The following PTPRM variants were observed in gnomAD, a reference collection of about 807,000 sequenced individuals.
The protein encoded by PTPRM is receptor-type tyrosine-protein phosphatase mu.
A neutral mutation model predicts 186.7 loss-of-function variants in PTPRM; 47 were observed. That is an observed-to-expected ratio of 0.25 (90% CI 0.20 to 0.32). PTPRM has a LOEUF of 0.32. Among genes scored for constraint, PTPRM ranks in the 10% least tolerant of loss-of-function variants. The pLI is 1.00. For missense variants in PTPRM, 1,494 were observed against 1,865.0 expected, an observed-to-expected ratio of 0.80 and a Z score of 3.66; for synonymous variants, 668 against 674.9, an observed-to-expected ratio of 0.99 and a Z score of 0.16.
intron 1 of PTPRM, among the ~76,000 whole-genome samples, chr18:7,671,626 T>A (rs2039218555): frequency 6.6e-6 from 1 of 152,208 alleles, no homozygotes; most frequent in African/African-American, 2.4e-5. Flanking sequence ...GGATGTATAA[T>A]GATTATCATT....
At chr18:7,605,186 A>T (rs567913975) in intron 1 of PTPRM, among the ~76,000 whole-genome samples, 137 of 152,204 alleles carry the variant, frequency 9.0e-4, no homozygotes, top group African/African-American at 3.1e-3. Flanking sequence ...GAGCTTAAAA[A>T]AATCACCAAA....
intron 22 of PTPRM, among the ~76,000 whole-genome samples, chr18:8,319,785 C>T (rs1168835374): frequency 6.6e-6 from 1 of 152,056 alleles, no homozygotes; most frequent in Admixed American, 6.5e-5. Flanking sequence ...TGGGAAGAGC[C>T]CTTGTGAATG....
At chr18:8,323,170 A>C (rs1283069943) in intron 22 of PTPRM, among the ~76,000 whole-genome samples, 1 of 152,146 alleles carries the variant, frequency 6.6e-6, no homozygotes, top group East Asian at 1.9e-4. Context: ...AGAGTCAGAT[A>C]ACTCAGGGAA....
intron 2 of PTPRM, among the ~76,000 whole-genome samples, chr18:7,785,943 A>C (rs964472091): frequency 8.5e-5 from 13 of 152,218 alleles, no homozygotes; most frequent in Admixed American, 3.9e-4. Context: ...ACTTTGTTGG[A>C]AAATGCATAA....
intron 19 of PTPRM, among the ~76,000 whole-genome samples, chr18:8,270,666 A>T (rs1365532357): frequency 1.3e-5 from 2 of 152,150 alleles, no homozygotes; most frequent in African/African-American, 4.8e-5. Context: ...ATGGAATATT[A>T]TTCAGCCACA....
In PTPRM at chr18:7,905,002, T is replaced by A. The variant is rs1013691500; in HGVS notation, c.469-1503T>A. On this transcript the variant is annotated intron_variant, in intron 3 of 32. Coordinates refer to ENST00000580170, the MANE Select transcript of PTPRM (RefSeq NM_001105244.2). Reference sequence around the variant, plus strand: ...TTCTTTCCTTTTTTTTATTTTTTTTTATTTTGTTGAGACTGAGTTTTGCTC... The same window carrying A: ...TTCTTTCCTTTTTTTTATTTTTTTTAATTTTGTTGAGACTGAGTTTTGCTC... 3.3e-5 allele frequency among the ~76,000 whole-genome samples: 5 copies of A among 152,272 alleles called. No individual in the cohort carries two copies. In the South Asian group the frequency reaches 8.3e-4, roughly 25 times the overall value.
chr18:8,287,838 A>G (rs1404529957), intron 19 of PTPRM, among the ~76,000 whole-genome samples: 4 of 152,340 alleles, frequency 2.6e-5, no homozygotes, highest in African/African-American at 9.6e-5. Flanking sequence ...CATGACTTAT[A>G]GAAACACAGA....
chr18:8,029,157 T>C (rs1300323324), intron 7 of PTPRM, among the ~76,000 whole-genome samples: 1 of 152,174 alleles, frequency 6.6e-6, no homozygotes, highest in Admixed American at 6.5e-5. Flanking sequence ...CCTGCCTGCC[T>C]GGAGTTCCCT....
chr18:7,888,075 G>A (rs777346401), intron 2 of PTPRM, 31 bp from the exon 3 acceptor site: 1 of 1,613,932 alleles, frequency 6.2e-7, no homozygotes, highest in South Asian at 1.1e-5. Flanking sequence ...AGTGTTTCAG[G>A]GTATGACTCT....
In PTPRM at chr18:8,343,410, T is replaced by C. The variant is rs1291435185; in HGVS notation, c.2957-13T>C. ...CAACAAAAACAAAAAGTTTCTGTTG[T>C]GTTTTGCTGCAGGGCCAATGCAGGA... is the stretch of plus-strand genomic sequence containing the variant. On this transcript the variant is annotated splice_polypyrimidine_tract_variant and intron_variant, in intron 22 of 32. Transcript: ENST00000580170. The C allele has an allele frequency of 1.2e-6, 2 of 1,607,512 alleles. 1 individual carries two copies. Among genetic ancestry groups the C allele is most frequent in the African/African-American group, 2.7e-5 (2 of 74,510 alleles).
At chr18:7,883,675 A>T (rs1462134789) in intron 2 of PTPRM, among the ~76,000 whole-genome samples, 1 of 152,240 alleles carries the variant, frequency 6.6e-6, no homozygotes, top group East Asian at 1.9e-4. Flanking sequence ...TGAAATAAAG[A>T]TACCCTTTCC....
At chr18:7,701,443 A>T (rs1410035459) in intron 1 of PTPRM, among the ~76,000 whole-genome samples, 2 of 147,414 alleles carry the variant, frequency 1.4e-5, no homozygotes, top group Non-Finnish European at 3.0e-5. Flanking sequence ...TACTAAAAAT[A>T]AAAAAAAGTA....
chr18:7,660,928 G>A (rs970895660), intron 1 of PTPRM, among the ~76,000 whole-genome samples: 2 of 151,830 alleles, frequency 1.3e-5, no homozygotes, highest in South Asian at 2.1e-4. Context: ...ACGAGATCAC[G>A]CCATTGCACT....
At chr18:8,142,025 A>G (rs1221155479) in intron 13 of PTPRM, among the ~76,000 whole-genome samples, 1 of 152,212 alleles carries the variant, frequency 6.6e-6, no homozygotes, top group Non-Finnish European at 1.5e-5. Flanking sequence ...CCACCTGGTG[A>G]TATGTTCCAA....
chr18:8,281,279 C>T (rs1404423833), intron 19 of PTPRM, among the ~76,000 whole-genome samples: 1 of 152,204 alleles, frequency 6.6e-6, no homozygotes, highest in African/African-American at 2.4e-5. Context: ...TCGCTACATC[C>T]TTGGGTTCTT....
At chr18:8,046,504 G>T (rs2087067533) in intron 7 of PTPRM, among the ~76,000 whole-genome samples, 1 of 152,118 alleles carries the variant, frequency 6.6e-6, no homozygotes, top group Admixed American at 6.5e-5. Context: ...TGTCAGCACT[G>T]TTGCGTTGAT....
chr18:7,941,329 C>G, intron 5 of PTPRM, among the ~76,000 whole-genome samples: 1 of 152,208 alleles, frequency 6.6e-6, no homozygotes, highest in East Asian at 1.9e-4. Context: ...GGGACCATCT[C>G]TCCAGATACT....
chr18:8,313,944 A>G (rs2095288604), intron 20 of PTPRM, among the ~76,000 whole-genome samples: 1 of 152,124 alleles, frequency 6.6e-6, no homozygotes, highest in Admixed American at 6.5e-5. Flanking sequence ...TGAAGCCAGG[A>G]ATTTGAAACC....
intron 11 of PTPRM, among the ~76,000 whole-genome samples, chr18:8,092,064 T>A (rs889406514): frequency 6.6e-6 from 1 of 152,198 alleles, no homozygotes; most frequent in East Asian, 1.9e-4. Flanking sequence ...GATTTGATTT[T>A]TTTTTTAATC....
Sources: allele counts gnomAD v4.1 joint callset (sites outside exome capture counted in the v4.1 genomes callset), GRCh38; gene constraint gnomAD v4.1.1; transcripts MANE v1.5; gene names NCBI Gene and HGNC (gene_info 2026-07-23, HGNC 2026-07-21).